The following RASA3 variants were observed in gnomAD, a reference collection of about 807,000 sequenced individuals.
RASA3 encodes ras GTPase-activating protein 3.
RASA3 carries 73 observed loss-of-function variants against 110.0 expected under a neutral mutation model. That is an observed-to-expected ratio of 0.66 (90% CI 0.55 to 0.81). RASA3 has a LOEUF of 0.81. Ranked by LOEUF, RASA3 falls within the 30% of genes least tolerant of loss-of-function variation. The pLI, the probability that RASA3 is intolerant of heterozygous loss-of-function variation, is 0.00. For missense variants in RASA3, 976 were observed against 1,113.2 expected (o/e 0.88, Z 1.75); for synonymous variants, 500 against 451.4 (o/e 1.11, Z -1.37).
chr13:114,055,142 ATG>A (rs1281970182), intron 2 of RASA3, among the ~76,000 whole-genome samples: 1 of 149,292 alleles, frequency 6.7e-6, no homozygotes, highest in Non-Finnish European at 1.5e-5. Context: ...GTTCATGTGC[ATG>A]TGTGTGCCCA....
At chr13:114,060,456 G>C (rs1485152600) in intron 2 of RASA3, among the ~76,000 whole-genome samples, 1 of 152,224 alleles carries the variant, frequency 6.6e-6, no homozygotes, top group African/African-American at 2.4e-5. Context: ...CCACAGGTGG[G>C]GCTTTCTGCA....
At chr13:114,033,271 TGGCACCCCCACACTGACAACACGCCCCAC>T (rs2054212196) in intron 4 of RASA3, among the ~76,000 whole-genome samples, 7 of 29,256 alleles carry the variant, frequency 2.4e-4, no homozygotes, top group Non-Finnish European at 3.5e-4. Context: ...CCACGTTCCA[TGGCACCCCCACACTGACAACACGCCCCAC>T]GGCACCCCCA....
intron 1 of RASA3, among the ~76,000 whole-genome samples, chr13:114,116,579 TAAA>T (rs760868043): frequency 1.5e-5 from 2 of 133,274 alleles, no homozygotes; most frequent in East Asian, 3.8e-4. Flanking sequence ...TTTGTAATGA[TAAA>T]AGTTTTTATC....
intron 20 of RASA3, 109 bp downstream of exon 20, chr13:113,999,476 G>C (rs541574055): frequency 5.3e-5 from 43 of 813,536 alleles, no homozygotes; most frequent in African/African-American, 4.9e-4. Context: ...GAGAAGCCTG[G>C]AGTGCAGTGG....
intron 4 of RASA3, among the ~76,000 whole-genome samples, chr13:114,037,942 T>G (rs1399915008): frequency 6.6e-5 from 10 of 151,320 alleles, no homozygotes; most frequent in African/African-American, 1.7e-4. Flanking sequence ...GAGCACGGCC[T>G]TCCGTTCGGG....
At chr13:114,038,020 C>A (rs1369681507) in intron 4 of RASA3, among the ~76,000 whole-genome samples, 1 of 152,072 alleles carries the variant, frequency 6.6e-6, no homozygotes, top group South Asian at 2.1e-4. Context: ...CTCGCCACTC[C>A]TGTGTACTGT....
At chr13:114,123,900 C>T (rs757359305) in intron 1 of RASA3, among the ~76,000 whole-genome samples, 1 of 152,222 alleles carries the variant, frequency 6.6e-6, no homozygotes, top group African/African-American at 2.4e-5. Context: ...AGGGCCAAGA[C>T]AGATGATTCT....
In RASA3 at chr13:114,056,674, G is replaced by C; in HGVS notation, c.174-4519C>G. ...GTGCTGACAGCTGTCCGTGGAAATTGAGGTGCTTAAAATTCATAAATAAAC... is the reference window on the plus strand; with the variant it reads ...GTGCTGACAGCTGTCCGTGGAAATTCAGGTGCTTAAAATTCATAAATAAAC... On this transcript the variant is annotated intron_variant, in intron 2 of 23. Coordinates refer to ENST00000334062, the MANE Select transcript of RASA3 (RefSeq NM_007368.4). The surrounding 1 kb of genome is among the most constrained non-coding windows in gnomAD (Gnocchi z 5.7). 1.0e-6 allele frequency: 1 copy of C among 985,158 alleles called. No individual in the cohort carries two copies. Among genetic ancestry groups the C allele is most frequent in the South Asian group, 4.7e-5 (1 of 21,282 alleles). 61.0% of individuals were successfully genotyped at this position (985,158 alleles called of 1,614,324 possible).
At chr13:114,131,543 G>C (rs9525278) in intron 1 of RASA3, among the ~76,000 whole-genome samples, 147,378 of 152,294 alleles carry the variant, frequency 0.97, 71,450 homozygotes, top group East Asian at 1. Flanking sequence ...AAACGCCTCC[G>C]GGAGCCCACT....
At chr13:113,991,018 G>C (rs1275061111) in intron 22 of RASA3, among the ~76,000 whole-genome samples, 3,747 of 132,308 alleles carry the variant, frequency 0.028, 418 homozygotes, top group Non-Finnish European at 0.044. Context: ...CTGGAGATCA[G>C]GCGTGGCCAA....
Position 114,041,186 on chromosome 13 carries a change from T to G in RASA3, c.278-92A>C, listed in dbSNP as rs1210670813. 4.6e-6 allele frequency: 5 copies of G among 1,092,224 alleles called. No homozygotes were observed. The African/African-American group carries it at 7.8e-5, about 17-fold the overall frequency. The allele number at this position is 1,092,224 out of a possible 1,614,324, so 67.7% of individuals were successfully genotyped here. ...AAGCCAGCCCATCATCACCGCAGCT[T>G]ATTTCCAACAGTTTAATTCAGAATG... On this transcript the variant is annotated intron_variant, in intron 3 of 23. Transcript: ENST00000334062.
At chr13:114,029,700 G>GGATCTCTAAACAGTGTCAT in intron 5 of RASA3, 111 bp downstream of exon 5, 1 of 911,276 alleles carries the variant, frequency 1.1e-6, no homozygotes, top group Non-Finnish European at 1.7e-6. Flanking sequence ...ATCCTGGGCA[G>GGATCTCTAAACAGTGTCAT]CCACCGGCTC....
rs2079241855 is a variant in RASA3, at chr13:114,056,179, G to C, written c.174-4024C>G. 6.6e-6 allele frequency among the ~76,000 whole-genome samples: 1 copy of C among 152,208 alleles called. No individual in the cohort carries two copies. The highest frequency in any genetic ancestry group is 2.4e-5 in the African/African-American group (1 of 41,452). On this transcript the variant is annotated intron_variant, in intron 2 of 23. Transcript: ENST00000334062. The surrounding 1 kb of genome is among the most constrained non-coding windows in gnomAD (Gnocchi z 5.7). Reference sequence around the variant, plus strand: ...AGGGAGGAGGAAGTGGGTCGGGCTGGATTGCATGTCTGATGTGTGTCCGAT... The same window carrying C: ...AGGGAGGAGGAAGTGGGTCGGGCTGCATTGCATGTCTGATGTGTGTCCGAT...
chr13:114,106,908 T>C (rs896797895), intron 1 of RASA3, among the ~76,000 whole-genome samples: 2 of 152,268 alleles, frequency 1.3e-5, no homozygotes, highest in Non-Finnish European at 2.9e-5. Flanking sequence ...TTTTAAAATG[T>C]TCTTAATTAC....
At position 114,112,106 on chromosome 13, in the gene RASA3, C is replaced by CG. The variant is rs2080228082; in HGVS notation, c.55+20328_55+20329insC. 6.6e-6 allele frequency among the ~76,000 whole-genome samples: 1 copy of CG among 151,864 alleles called. No homozygotes were observed. ...AAACAGCAGCCCCCAGGCACCCCCC[C>CG]CAGCAACTGGGACAAGGGCACACCA... On this transcript the variant is annotated intron_variant, in intron 1 of 23. Transcript: ENST00000334062. The surrounding 1 kb of genome is among the most constrained non-coding windows in gnomAD (Gnocchi z 4.8).
chr13:114,077,794 C>T (rs531398937), intron 1 of RASA3: 2 of 980,756 alleles, frequency 2.0e-6, no homozygotes, highest in South Asian at 4.7e-5. Context: ...CCGATGGCCC[C>T]GTCTTTACCT....
chr13:113,988,951 C>T (rs372798829), intron 22 of RASA3, among the ~76,000 whole-genome samples: 4 of 144,650 alleles, frequency 2.8e-5, no homozygotes, highest in Non-Finnish European at 6.1e-5. Context: ...TCACCCTGTC[C>T]GTACACCCAT....
chr13:114,017,496 C>G (rs971457640), intron 11 of RASA3, 145 bp from the exon 12 acceptor site: 2 of 689,326 alleles, frequency 2.9e-6, no homozygotes, highest in African/African-American at 1.8e-5. Context: ...ACAAGGAGCA[C>G]AACCAGGCCA....
intron 1 of RASA3, among the ~76,000 whole-genome samples, chr13:114,082,910 C>T (rs543522607): frequency 6.6e-6 from 1 of 152,338 alleles, no homozygotes; most frequent in South Asian, 2.1e-4. Context: ...CTACTTCAAA[C>T]TCACAGAGCT....
Sources: gnomAD v4.1 joint callset for allele counts (sites outside exome capture counted in the v4.1 genomes callset) on GRCh38, gnomAD v4.1.1 for gene constraint, Gnocchi (gnomAD v3.1) non-coding constraint, MANE v1.5 for transcripts, NCBI Gene and HGNC (gene_info 2026-07-23, HGNC 2026-07-21) for gene names.